The following CCDC148 variants were observed in gnomAD, a reference collection of about 807,000 sequenced individuals.
The protein encoded by CCDC148 is coiled-coil domain-containing protein 148.
In CCDC148, 89 loss-of-function variants were observed where a neutral mutation model predicts 85.7. That is an observed-to-expected ratio of 1.04 (90% CI 0.87 to 1.24). The LOEUF (loss-of-function observed/expected upper bound fraction) is 1.24. Among genes scored for constraint, CCDC148 ranks in the 50% most tolerant of loss-of-function variants. CCDC148 has a pLI of 0.00. For synonymous variants in CCDC148, 230 were observed against 213.9 expected, an observed-to-expected ratio of 1.08 and a Z score of -0.66; for missense variants, 692 against 671.7, an observed-to-expected ratio of 1.03 and a Z score of -0.33.
intron 11 of CCDC148, among the ~76,000 whole-genome samples, chr2:158,199,138 T>C (rs888979937): frequency 1.3e-5 from 2 of 152,208 alleles, no homozygotes; most frequent in African/African-American, 4.8e-5. Context: ...AGATTTTACT[T>C]GGTTTTATTC....
At chr2:158,356,276 C>T (rs1366654075) in intron 2 of CCDC148, among the ~76,000 whole-genome samples, 1 of 143,328 alleles carries the variant, frequency 7.0e-6, no homozygotes, top group Non-Finnish European at 1.5e-5. Flanking sequence ...AAGAAACTAC[C>T]ATCAGAGTGA....
At chr2:158,187,535 T>A (rs1464643910) in intron 11 of CCDC148, among the ~76,000 whole-genome samples, 1 of 152,022 alleles carries the variant, frequency 6.6e-6, no homozygotes, top group East Asian at 1.9e-4. Context: ...CTCTGTCCAC[T>A]CCACTCTATG....
intron 1 of CCDC148, among the ~76,000 whole-genome samples, chr2:158,406,749 A>G (rs773766713): frequency 1.3e-5 from 2 of 149,770 alleles, no homozygotes; most frequent in Non-Finnish European, 3.0e-5. Context: ...CAGCCTCCCA[A>G]GTAGCTGGAG....
chr2:158,433,481 T>G (rs1355932562), intron 1 of CCDC148, among the ~76,000 whole-genome samples: 1 of 151,816 alleles, frequency 6.6e-6, no homozygotes, highest in East Asian at 1.9e-4. Flanking sequence ...ACAACCTAAT[T>G]TTAGAAAGGG....
chr2:158,430,997 T>C (rs1687321793), intron 1 of CCDC148, among the ~76,000 whole-genome samples: 1 of 151,252 alleles, frequency 6.6e-6, no homozygotes, highest in African/African-American at 2.4e-5. Flanking sequence ...AAAAAATCAA[T>C]GAACTTAAAG....
At chr2:158,434,365 G>A (rs1687532265) in intron 1 of CCDC148, among the ~76,000 whole-genome samples, 1 of 152,166 alleles carries the variant, frequency 6.6e-6, no homozygotes. Context: ...ACAGGGTCTG[G>A]AGTGGACCTC....
intron 9 of CCDC148, among the ~76,000 whole-genome samples, chr2:158,284,713 T>C (rs1016880695): frequency 2.6e-5 from 4 of 152,194 alleles, no homozygotes; most frequent in Non-Finnish European, 2.9e-5. Context: ...TATACTTACA[T>C]ATCAAATTAT....
intron 9 of CCDC148, among the ~76,000 whole-genome samples, chr2:158,292,195 T>A (rs574334008): frequency 2.6e-5 from 4 of 152,120 alleles, no homozygotes; most frequent in Non-Finnish European, 5.9e-5. Context: ...TAAAACAATA[T>A]TGGAGAAACT....
chr2:158,381,225 A>G (rs2105288332), intron 1 of CCDC148, among the ~76,000 whole-genome samples: 1 of 152,272 alleles, frequency 6.6e-6, no homozygotes, highest in South Asian at 2.1e-4. Context: ...AAATATTTGA[A>G]TCCAGAATAC....
intron 9 of CCDC148, among the ~76,000 whole-genome samples, chr2:158,278,937 G>A (rs986919823): frequency 2.6e-5 from 4 of 152,154 alleles, no homozygotes; most frequent in African/African-American, 9.7e-5. Context: ...AAAACTTCCA[G>A]AGGAACGATC....
intron 7 of CCDC148, among the ~76,000 whole-genome samples, chr2:158,319,399 A>G (rs1232810139): frequency 2.0e-5 from 3 of 152,228 alleles, no homozygotes; most frequent in Non-Finnish European, 4.4e-5. Context: ...ATTCTGGCCA[A>G]TGAAATGTGA....
chr2:158,338,574 C>T, intron 7 of CCDC148, 152 bp downstream of exon 7: 2 of 561,392 alleles, frequency 3.6e-6, no homozygotes, highest in Non-Finnish European at 5.9e-6. Context: ...AAAATAAAAC[C>T]CTCTCTATTC....
At chr2:158,388,215 A>C (rs1007999777) in intron 1 of CCDC148, among the ~76,000 whole-genome samples, 1 of 151,458 alleles carries the variant, frequency 6.6e-6, no homozygotes, top group Non-Finnish European at 1.5e-5. Context: ...TTAGAAAAGA[A>C]GCCAGTCAGT....
At chr2:158,192,966 C>T (rs373477896) in intron 11 of CCDC148, among the ~76,000 whole-genome samples, 3 of 151,860 alleles carry the variant, frequency 2.0e-5, no homozygotes, top group South Asian at 4.2e-4. Flanking sequence ...ATATGAAAGG[C>T]AACTCACATT....
At chr2:158,292,430 T>A (rs549932558) in intron 9 of CCDC148, among the ~76,000 whole-genome samples, 6 of 152,206 alleles carry the variant, frequency 3.9e-5, no homozygotes, top group African/African-American at 1.4e-4. Flanking sequence ...AATTCCTCCA[T>A]TATCACACAG....
At chr2:158,212,572 T>C (rs1686637415) in intron 11 of CCDC148, among the ~76,000 whole-genome samples, 1 of 152,170 alleles carries the variant, frequency 6.6e-6, no homozygotes, top group Admixed American at 6.6e-5. Context: ...CAGCTGGCTC[T>C]AGTCTCTTCC....
intron 9 of CCDC148, among the ~76,000 whole-genome samples, chr2:158,300,317 C>T (rs984656169): frequency 6.6e-6 from 1 of 152,150 alleles, no homozygotes; most frequent in African/African-American, 2.4e-5. Context: ...AGGTCCCAAA[C>T]ACTGAAAATC....
At chr2:158,391,958 A>G (rs1685327081) in intron 1 of CCDC148, among the ~76,000 whole-genome samples, 1 of 152,136 alleles carries the variant, frequency 6.6e-6, no homozygotes, top group East Asian at 1.9e-4. Flanking sequence ...TCAAAAGGAG[A>G]ACAGTCCCAG....
At chr2:158,438,971 T>A (rs1384840036) in intron 1 of CCDC148, among the ~76,000 whole-genome samples, 4 of 152,148 alleles carry the variant, frequency 2.6e-5, no homozygotes, top group African/African-American at 7.2e-5. Context: ...AAAAGTGAGG[T>A]AACAACAGGT....
Sources: allele counts gnomAD v4.1 joint callset (sites outside exome capture counted in the v4.1 genomes callset), GRCh38; gene constraint gnomAD v4.1.1; transcripts MANE v1.5; gene names NCBI Gene and HGNC (gene_info 2026-07-23, HGNC 2026-07-21).